Variants in CRB1 observed in about 807,000 individuals in gnomAD.
CRB1 encodes protein crumbs homolog 1.
In CRB1, 83 loss-of-function variants were observed where a neutral mutation model predicts 120.0. The ratio of observed to expected loss-of-function variants is 0.69; its 90% CI spans 0.58 to 0.83. The LOEUF is 0.83. CRB1 is among the 40% of genes least tolerant of loss of function. The pLI is 0.00. For missense variants in CRB1, 1,699 were observed against 1,687.6 expected, an observed-to-expected ratio of 1.01 and a Z score of -0.12; for synonymous variants, 625 against 612.5, an observed-to-expected ratio of 1.02 and a Z score of -0.30.
intron 11 of CRB1, among the ~76,000 whole-genome samples, chr1:197,455,196 T>C (rs1420886985): frequency 1.3e-5 from 2 of 152,200 alleles, no homozygotes; most frequent in Non-Finnish European, 2.9e-5. Flanking sequence ...GAATGCATTA[T>C]GTTTTACTTG....
At chr1:197,268,807 G>A (rs12022402) in intron 1 of CRB1, among the ~76,000 whole-genome samples, 52,749 of 151,848 alleles carry the variant, frequency 0.35, 11,527 homozygotes, top group East Asian at 0.77. Flanking sequence ...AAATAGATTT[G>A]GCCCTTACTA....
At chr1:197,305,246 A>G (rs1400792069) in intron 1 of CRB1, among the ~76,000 whole-genome samples, 1 of 152,122 alleles carries the variant, frequency 6.6e-6, no homozygotes, top group East Asian at 1.9e-4. Flanking sequence ...CTTTCTATGT[A>G]GAGTCTATTT....
intron 5 of CRB1, among the ~76,000 whole-genome samples, chr1:197,391,101 C>T (rs947060927): frequency 4.6e-5 from 7 of 152,098 alleles, no homozygotes; most frequent in Admixed American, 1.3e-4. Context: ...GGAGAATTCG[C>T]TTGGAGACCA....
chr1:197,329,828 C>A (rs986233209), intron 2 of CRB1, among the ~76,000 whole-genome samples: 6 of 152,186 alleles, frequency 3.9e-5, no homozygotes, highest in African/African-American at 1.4e-4. Flanking sequence ...CTTCTGCTCA[C>A]CACTTTCTTA....
chr1:197,212,121 C>A, the CRB1 span, among the ~76,000 whole-genome samples: 1 of 152,048 alleles, frequency 6.6e-6, no homozygotes, highest in South Asian at 2.1e-4. Context: ...TAAAGACAAA[C>A]AATATCAAGT....
chr1:197,262,274 G>A, the CRB1 span, among the ~76,000 whole-genome samples: 3 of 152,098 alleles, frequency 2.0e-5, no homozygotes, highest in Non-Finnish European at 4.4e-5. Context: ...AACCTACTAT[G>A]TTCTGGATCT....
At chr1:197,217,856 C>A in the CRB1 span, among the ~76,000 whole-genome samples, 2 of 152,040 alleles carry the variant, frequency 1.3e-5, no homozygotes, top group African/African-American at 4.8e-5. Flanking sequence ...ACTGTAACAA[C>A]AGAAAAATAC....
At chr1:197,362,641 T>C (rs1431954678) in intron 5 of CRB1, among the ~76,000 whole-genome samples, 3 of 152,270 alleles carry the variant, frequency 2.0e-5, no homozygotes, top group East Asian at 3.9e-4. Flanking sequence ...TCTCATATTC[T>C]TTTCTTGCTT....
At chr1:197,362,801 C>A (rs907397918) in intron 5 of CRB1, among the ~76,000 whole-genome samples, 7 of 152,122 alleles carry the variant, frequency 4.6e-5, no homozygotes, top group African/African-American at 1.7e-4. Context: ...TATCAAACAG[C>A]AAATTGTTGG....
intron 1 of CRB1, among the ~76,000 whole-genome samples, chr1:197,312,150 T>C (rs1657569063): frequency 6.6e-6 from 1 of 152,172 alleles, no homozygotes; most frequent in South Asian, 2.1e-4. Flanking sequence ...ATATAATCAA[T>C]ATACAAATAA....
chr1:197,351,807 C>T (rs1464890502), intron 4 of CRB1, among the ~76,000 whole-genome samples: 1 of 152,074 alleles, frequency 6.6e-6, no homozygotes, highest in Non-Finnish European at 1.5e-5. Context: ...GACAGTTCTG[C>T]CTCTGGGTTT....
chr1:197,280,016 T>C (rs558539929), intron 1 of CRB1, among the ~76,000 whole-genome samples: 65 of 151,936 alleles, frequency 4.3e-4, no homozygotes, highest in Middle Eastern at 3.4e-3. Context: ...TGCAGAGATA[T>C]CTAAGGCTTG....
intron 1 of CRB1, among the ~76,000 whole-genome samples, chr1:197,272,341 A>G (rs970570497): frequency 2.0e-5 from 3 of 152,148 alleles, no homozygotes; most frequent in Non-Finnish European, 4.4e-5. Flanking sequence ...CAGTAAAATC[A>G]TCACTACTCC....
chr1:197,413,434 G>A (rs1433144489), intron 5 of CRB1, among the ~76,000 whole-genome samples: 1 of 151,992 alleles, frequency 6.6e-6, no homozygotes, highest in Non-Finnish European at 1.5e-5. Flanking sequence ...CCCTTGCATA[G>A]ATACTTAATA....
chr1:197,303,467 G>A (rs1036232742), intron 1 of CRB1, among the ~76,000 whole-genome samples: 1 of 151,822 alleles, frequency 6.6e-6, no homozygotes, highest in African/African-American at 2.4e-5. Context: ...ACTAGTAGCA[G>A]TAGAATATAA....
At chr1:197,405,657 G>C (rs1206446537) in intron 5 of CRB1, among the ~76,000 whole-genome samples, 1 of 148,624 alleles carries the variant, frequency 6.7e-6, no homozygotes, top group African/African-American at 2.5e-5. Context: ...GCCGCCCATC[G>C]TCTGAGATGT....
intron 5 of CRB1, among the ~76,000 whole-genome samples, chr1:197,405,338 G>A (rs1395186772): frequency 2.0e-5 from 3 of 152,140 alleles, no homozygotes; most frequent in Admixed American, 1.3e-4. Flanking sequence ...TCGGCCTCCC[G>A]AGGTGCCGGG....
intron 11 of CRB1, among the ~76,000 whole-genome samples, chr1:197,473,794 AT>A (rs1667084915): frequency 1.3e-5 from 2 of 151,930 alleles, no homozygotes. Flanking sequence ...AGCAGTTTCA[AT>A]TATCAAAAGA....
the CRB1 span, among the ~76,000 whole-genome samples, chr1:197,259,887 T>C: frequency 6.6e-6 from 1 of 151,698 alleles, no homozygotes; most frequent in African/African-American, 2.4e-5. Context: ...TGGTGGCTCA[T>C]GCCTGCAATC....
Sources: gnomAD v4.1 joint callset for allele counts (sites outside exome capture counted in the v4.1 genomes callset) on GRCh38, gnomAD v4.1.1 for gene constraint, MANE v1.5 for transcripts, NCBI Gene and HGNC (gene_info 2026-07-23, HGNC 2026-07-21) for gene names.